SLC24A2: variants seen among roughly 807,000 people sequenced by gnomAD.
The protein encoded by SLC24A2 is solute carrier family 24 member 2.
SLC24A2 carries 36 observed loss-of-function variants against 62.0 expected under a neutral mutation model. The observed-to-expected ratio is 0.58, with a 90% confidence interval of 0.44 to 0.77. The LOEUF is 0.77. SLC24A2 is among the 30% of genes least tolerant of loss of function. SLC24A2 has a pLI of 0.00. For missense variants in SLC24A2, 846 were observed against 817.9 expected (o/e 1.03, Z -0.42); for synonymous variants, 358 against 294.0 (o/e 1.22, Z -2.23).
At chr9:19,937,194 TAA>T in the SLC24A2 span, among the ~76,000 whole-genome samples, 1 of 152,190 alleles carries the variant, frequency 6.6e-6, no homozygotes, top group Non-Finnish European at 1.5e-5. Context: ...AGTCCATGTA[TAA>T]TATCCACAAG....
chr9:19,785,742 A>G (rs1823144954), intron 2 of SLC24A2, among the ~76,000 whole-genome samples, 195 bp downstream of exon 2: 1 of 152,220 alleles, frequency 6.6e-6, no homozygotes, highest in Non-Finnish European at 1.5e-5. Flanking sequence ...GGAACTTAGT[A>G]AACATCTGCA....
chr9:20,154,131 T>C, the SLC24A2 span, among the ~76,000 whole-genome samples: 6 of 152,032 alleles, frequency 3.9e-5, no homozygotes, highest in Non-Finnish European at 5.9e-5. Flanking sequence ...ATGTATATGA[T>C]TACTCTATAA....
At chr9:19,885,237 A>G in the SLC24A2 span, among the ~76,000 whole-genome samples, 3 of 152,190 alleles carry the variant, frequency 2.0e-5, no homozygotes, top group Non-Finnish European at 4.4e-5. Context: ...CTGTGGCCAG[A>G]TGCATGCTAA....
In SLC24A2 at chr9:19,786,103, A is replaced by C. The variant is rs142406429; in HGVS notation, c.764T>G (p.Phe255Cys). ...YIVDLIMLII[F>C]FLDNVIMWWE... ...CCACATGATGACATTATCCAGGAAA[A>C]ATATGATCAGCATGATCAAGTCAAC... The change falls in exon 2 of 11, where the codon TTT (phenylalanine) becomes TGT (cysteine). Residue 255 changes from phenylalanine to cysteine, a missense_variant. Coordinates refer to ENST00000341998, the MANE Select transcript of SLC24A2 (RefSeq NM_020344.4). This position sits in a 1 kb window ranked among gnomAD's most constrained non-coding sequence, Gnocchi z 5.0. 24 of 1,614,090 alleles carry C rather than the reference A, an allele frequency of 1.5e-5. No homozygotes were observed. In the African/African-American group the frequency reaches 2.8e-4, roughly 19 times the overall value.
intron 2 of SLC24A2, among the ~76,000 whole-genome samples, chr9:19,653,271 T>A (rs1159122805): frequency 1.3e-5 from 2 of 152,212 alleles, no homozygotes; most frequent in Admixed American, 6.5e-5. Flanking sequence ...GTGCTGTAGC[T>A]CATTGACGTT....
chr9:19,568,476 C>A (rs182862278), intron 7 of SLC24A2, among the ~76,000 whole-genome samples: 1 of 152,218 alleles, frequency 6.6e-6, no homozygotes, highest in Non-Finnish European at 1.5e-5. Flanking sequence ...TTACTCAGTA[C>A]TGCTAATAAT....
the SLC24A2 span, among the ~76,000 whole-genome samples, chr9:19,857,456 C>G: frequency 6.6e-6 from 1 of 152,194 alleles, no homozygotes; most frequent in Non-Finnish European, 1.5e-5. Context: ...GGCCATTATT[C>G]AGTCTATCAC....
At chr9:19,644,688 A>G (rs1282260473) in intron 2 of SLC24A2, among the ~76,000 whole-genome samples, 3 of 152,044 alleles carry the variant, frequency 2.0e-5, no homozygotes, top group African/African-American at 7.2e-5. Context: ...TATTTTCTCT[A>G]TATTTTTATG....
At chr9:19,596,615 A>G (rs1185267716) in intron 5 of SLC24A2, among the ~76,000 whole-genome samples, 1 of 152,196 alleles carries the variant, frequency 6.6e-6, no homozygotes, top group Non-Finnish European at 1.5e-5. Flanking sequence ...GAAAATGGTT[A>G]AAATGATATG....
At chr9:20,106,979 CT>C in the SLC24A2 span, among the ~76,000 whole-genome samples, 2 of 152,166 alleles carry the variant, frequency 1.3e-5, no homozygotes, top group African/African-American at 4.8e-5. Context: ...TCTCCTTAAG[CT>C]GATAAGCAAC....
the SLC24A2 span, among the ~76,000 whole-genome samples, chr9:20,205,060 T>G: frequency 6.6e-6 from 1 of 152,114 alleles, no homozygotes; most frequent in Non-Finnish European, 1.5e-5. Context: ...TATAATTTTT[T>G]TTAAACACGA....
the SLC24A2 span, among the ~76,000 whole-genome samples, chr9:19,990,922 G>GATATATATATGTGTGTATATATATATAT: frequency 3.3e-5 from 4 of 120,812 alleles, no homozygotes; most frequent in Admixed American, 8.2e-5. Flanking sequence ...GGACTAATAG[G>GATATATATATGTGTGTATATATATATAT]ATATATATAT....
chr9:20,150,167 G>T, the SLC24A2 span, among the ~76,000 whole-genome samples: 1 of 152,018 alleles, frequency 6.6e-6, no homozygotes, highest in Non-Finnish European at 1.5e-5. Flanking sequence ...GCTTGAACAA[G>T]AAATAAGATT....
the SLC24A2 span, among the ~76,000 whole-genome samples, chr9:20,081,833 T>C: frequency 6.6e-6 from 1 of 152,152 alleles, no homozygotes; most frequent in Non-Finnish European, 1.5e-5. Flanking sequence ...GAAATTTCTA[T>C]GCCTGAATTT....
intron 2 of SLC24A2, among the ~76,000 whole-genome samples, chr9:19,643,030 C>G (rs1587084597): frequency 7.2e-6 from 1 of 138,940 alleles, no homozygotes; most frequent in African/African-American, 2.7e-5. Context: ...ATGAATTCAT[C>G]AATCGTCTGC....
chr9:19,576,279 T>C (rs1184110416), intron 6 of SLC24A2, among the ~76,000 whole-genome samples: 1 of 152,240 alleles, frequency 6.6e-6, no homozygotes, highest in Non-Finnish European at 1.5e-5. Flanking sequence ...AGCTATATTA[T>C]AGTTACAGAC....
At chr9:19,586,671 C>T (rs542061052) in intron 5 of SLC24A2, among the ~76,000 whole-genome samples, 1 of 152,206 alleles carries the variant, frequency 6.6e-6, no homozygotes, top group African/African-American at 2.4e-5. Context: ...CAGCAGGTAT[C>T]AGACTGCAGA....
At chr9:19,958,767 G>T in the SLC24A2 span, among the ~76,000 whole-genome samples, 2 of 152,136 alleles carry the variant, frequency 1.3e-5, no homozygotes, top group Non-Finnish European at 2.9e-5. Flanking sequence ...TGAAATAAAA[G>T]ACAAGGCATG....
the SLC24A2 span, among the ~76,000 whole-genome samples, chr9:20,295,480 C>T: frequency 1.3e-5 from 2 of 152,194 alleles, no homozygotes; most frequent in East Asian, 3.9e-4. Flanking sequence ...CCTGGTAAAT[C>T]ATTATTCTGG....
Sources: gnomAD v4.1 joint callset for allele counts (sites outside exome capture counted in the v4.1 genomes callset) on GRCh38, gnomAD v4.1.1 for gene constraint, Gnocchi (gnomAD v3.1) non-coding constraint, MANE v1.5 for transcripts, NCBI Gene and HGNC (gene_info 2026-07-23, HGNC 2026-07-21) for gene names.